The following EXOSC4 variants were observed in gnomAD, a reference collection of about 807,000 sequenced individuals.
EXOSC4 encodes the protein exosome component 4, also known as exosome complex component RRP41.
A neutral mutation model predicts 20.0 loss-of-function variants in EXOSC4; 14 were observed. The ratio of observed to expected loss-of-function variants is 0.70; its 90% CI spans 0.46 to 1.09. EXOSC4 has a LOEUF of 1.09. EXOSC4 is among the 50% of genes least tolerant of loss of function. EXOSC4 has a pLI of 0.00. For synonymous variants in EXOSC4, 148 were observed against 146.4 expected, an observed-to-expected ratio of 1.01 and a Z score of -0.08; for missense variants, 337 against 334.0, an observed-to-expected ratio of 1.01 and a Z score of -0.07.
chr8:144,077,543 C>T (rs2129916572), upstream of EXOSC4, among the ~76,000 whole-genome samples: 1 of 152,274 alleles, frequency 6.6e-6, no homozygotes, highest in Admixed American at 6.5e-5. Context: ...CTGCAGCAGA[C>T]CACATTTCCC....
Position 144,079,792 on chromosome 8 carries a change from CAGAG to C in EXOSC4, c.172-148_172-145del, listed in dbSNP as rs546445010. On this transcript the variant is annotated intron_variant, in intron 1 of 2. Transcript: ENST00000316052. ...GTGCCAGAGGGCGACACATGCAAGACAGAGAGCGCAAAACAGGGGGCTTTGTTTT... is the reference window on the plus strand; with the variant it reads ...GTGCCAGAGGGCGACACATGCAAGACAGCGCAAAACAGGGGGCTTTGTTTT... 888 of 817,210 alleles carry C rather than the reference CAGAG, an allele frequency of 1.1e-3. 1 individual carries two copies. The highest frequency in any genetic ancestry group is 1.5e-3 in the Non-Finnish European group (697 of 467,210). The allele number at this position is 817,210 out of a possible 1,614,324, so 50.6% of individuals were successfully genotyped here. A position where few individuals can be genotyped will look rare whatever the true frequency, so the allele number is the denominator to read the frequency against.
the EXOSC4 span, among the ~76,000 whole-genome samples, chr8:144,070,274 T>C: frequency 6.6e-6 from 1 of 152,212 alleles, no homozygotes; most frequent in African/African-American, 2.4e-5. Flanking sequence ...ACCTGGAATC[T>C]CAGCACTTTG....
At chr8:144,077,446 T>G (rs1476194604), upstream of EXOSC4, among the ~76,000 whole-genome samples, 1 of 152,158 alleles carries the variant, frequency 6.6e-6, no homozygotes, top group African/African-American at 2.4e-5. Flanking sequence ...AGCAGGGTTG[T>G]GGCTTGCTCA....
chr8:144,080,056 G>A lies in EXOSC4; in HGVS notation c.285G>A (p.Lys95=), dbSNP rs1554763259. The A allele has an allele frequency of 6.2e-7, 1 of 1,614,116 alleles. No individual in the cohort carries two copies. The highest frequency in any genetic ancestry group is 1.1e-5 in the South Asian group (1 of 91,086). ...AGCGACGGCCACATGGGGACCGTAAGTCCTGTGAGATGGGCCTGCAGCTCC... is the reference window on the plus strand; with the variant it reads ...AGCGACGGCCACATGGGGACCGTAAATCCTGTGAGATGGGCCTGCAGCTCC... ...ERKRRPHGDR[K]SCEMGLQLRQ... The change falls in exon 2 of 3, where the codon AAG becomes AAA. Residue 95 remains lysine (K), a synonymous_variant. Transcript: ENST00000316052. The surrounding 1 kb of genome is among the most constrained non-coding windows in gnomAD (Gnocchi z 4.9).
the EXOSC4 span, among the ~76,000 whole-genome samples, chr8:144,070,338 A>C: frequency 1.3e-5 from 2 of 152,088 alleles, no homozygotes; most frequent in African/African-American, 4.8e-5. Context: ...AGCCTGGTCA[A>C]CATGGAGAAA....
At chr8:144,072,480 C>A in the EXOSC4 span, among the ~76,000 whole-genome samples, 1 of 152,150 alleles carries the variant, frequency 6.6e-6, no homozygotes, top group Non-Finnish European at 1.5e-5. Flanking sequence ...CGCGCCCGAC[C>A]TACAATTTAT....
chr8:144,071,731 C>T, the EXOSC4 span, among the ~76,000 whole-genome samples: 27 of 151,846 alleles, frequency 1.8e-4, no homozygotes, highest in Non-Finnish European at 3.5e-4. Context: ...GATCCCAGCA[C>T]TTTAGGAGGC....
chr8:144,079,057 C>T (rs756530679), intron 1 of EXOSC4, 158 bp downstream of exon 1: 35 of 828,230 alleles, frequency 4.2e-5, no homozygotes, highest in Middle Eastern at 3.7e-4. Context: ...AACGCAAGTC[C>T]TTAGTGTGCT....
At chr8:144,077,255 C>G (rs1835843943), upstream of EXOSC4, among the ~76,000 whole-genome samples, 1 of 151,974 alleles carries the variant, frequency 6.6e-6, no homozygotes, top group Non-Finnish European at 1.5e-5. Flanking sequence ...AAAAACAAAA[C>G]AAAACAAAGA....
upstream of EXOSC4, chr8:144,078,629 T>C: frequency 7.8e-7 from 1 of 1,278,628 alleles, no homozygotes; most frequent in Admixed American, 4.0e-5. This position sits in a 1 kb window ranked among gnomAD's most constrained non-coding sequence, Gnocchi z 4.7. Context: ...ATGGCGGACC[T>C]CCGGAAACCG....
chr8:144,065,612 G>A, the EXOSC4 span, among the ~76,000 whole-genome samples: 15 of 151,948 alleles, frequency 9.9e-5, no homozygotes, highest in African/African-American at 3.6e-4. Context: ...GCAGGCACCT[G>A]TAATCTCAGC....
chr8:144,078,902 G>A lies in EXOSC4; in HGVS notation c.171+3G>A, dbSNP rs1835866264. On this transcript the variant is annotated splice_donor_region_variant and intron_variant, in intron 1 of 2. Coordinates refer to ENST00000316052, the MANE Select transcript of EXOSC4 (RefSeq NM_019037.3). The surrounding 1 kb of genome is among the most constrained non-coding windows in gnomAD (Gnocchi z 4.7). ...CTGTGGTCTACGGCCCGCACGAGGC[G>A]AGTGGGCGCGCGGGATGGGGAATCG... 4 of 1,466,836 alleles carry A rather than the reference G, an allele frequency of 2.7e-6. No individual in the cohort carries two copies. Among genetic ancestry groups the A allele is most frequent in the Non-Finnish European group, 3.6e-6 (4 of 1,104,808 alleles). 90.9% of individuals were successfully genotyped at this position (1,466,836 alleles called of 1,614,324 possible). A position where few individuals can be genotyped will look rare whatever the true frequency, so the allele number is the denominator to read the frequency against.
the EXOSC4 span, among the ~76,000 whole-genome samples, chr8:144,073,183 C>T: frequency 6.6e-6 from 1 of 151,908 alleles, no homozygotes; most frequent in Non-Finnish European, 1.5e-5. Context: ...GTCAGGAGAC[C>T]AGCTTGGCCT....
chr8:144,077,574 C>G (rs1489111052), upstream of EXOSC4, among the ~76,000 whole-genome samples: 1 of 152,190 alleles, frequency 6.6e-6, no homozygotes, highest in African/African-American at 2.4e-5. Flanking sequence ...GCTCTTCCTA[C>G]AGTCTAATAT....
chr8:144,080,252 C>G lies in EXOSC4; in HGVS notation c.389C>G (p.Ala130Gly), dbSNP rs1835884934. 2 of 1,613,076 alleles carry G rather than the reference C, an allele frequency of 1.2e-6. No homozygotes were observed. The highest frequency in any genetic ancestry group is 2.7e-5 in the African/African-American group (2 of 74,928). Reference protein sequence around the residue: ...QIDIYVQVLQADGGTYAACVN... With the variant: ...QIDIYVQVLQGDGGTYAACVN... ...CTGGGTTCCCTGCAGGTGCTACAGG[C>G]AGATGGTGGGACCTATGCAGCTTGT... The change falls in exon 3 of 3, where the codon GCA (alanine) becomes GGA (glycine). Residue 130 changes from alanine to glycine, a missense_variant. Ala to Gly is a moderately conservative substitution (Grantham distance 60, BLOSUM62 0). Coordinates refer to ENST00000316052, the MANE Select transcript of EXOSC4 (RefSeq NM_019037.3). This position sits in a 1 kb window ranked among gnomAD's most constrained non-coding sequence, Gnocchi z 4.9.
Position 144,080,502 on chromosome 8 carries a change from G to T in EXOSC4, c.639G>T (p.Val213=). The T allele has an allele frequency of 6.2e-7, 1 of 1,605,778 alleles. No homozygotes were observed. Reference sequence around the variant, plus strand: ...TGCACGAGGACCACCTGGAGCGGGTGTTGGAGGCTGCTGCCCAGGCTGCCC... The same window carrying T: ...TGCACGAGGACCACCTGGAGCGGGTTTTGGAGGCTGCTGCCCAGGCTGCCC... ...ARLHEDHLER[V]LEAAAQAARD... is the part of the protein sequence containing the mutation. The change falls in exon 3 of 3, where the codon GTG becomes GTT. Residue 213 remains valine (V), a synonymous_variant. Coordinates refer to ENST00000316052, the MANE Select transcript of EXOSC4 (RefSeq NM_019037.3). The surrounding 1 kb of genome is among the most constrained non-coding windows in gnomAD (Gnocchi z 4.9).
upstream of EXOSC4, chr8:144,078,428 C>T: frequency 3.7e-6 from 1 of 267,832 alleles, no homozygotes; most frequent in Non-Finnish European, 7.0e-6. The surrounding 1 kb of genome is among the most constrained non-coding windows in gnomAD (Gnocchi z 4.7). Flanking sequence ...GCCGCTGCTT[C>T]CCCGATAGCG....
the EXOSC4 span, among the ~76,000 whole-genome samples, chr8:144,066,825 T>C: frequency 5.9e-5 from 9 of 152,112 alleles, no homozygotes; most frequent in African/African-American, 2.2e-4. Flanking sequence ...AGGTGGCTCA[T>C]GCCTGTAATC....
chr8:144,068,652 G>A, the EXOSC4 span, among the ~76,000 whole-genome samples: 1 of 152,230 alleles, frequency 6.6e-6, no homozygotes, highest in Admixed American at 6.5e-5. Flanking sequence ...ATTTATTCAA[G>A]AAGATCTACT....
Sources: allele counts gnomAD v4.1 joint callset (sites outside exome capture counted in the v4.1 genomes callset), GRCh38; gene constraint gnomAD v4.1.1; non-coding constraint Gnocchi (gnomAD v3.1); transcripts MANE v1.5; gene names NCBI Gene and HGNC (gene_info 2026-07-23, HGNC 2026-07-21).